NLGN3: variants seen among roughly 807,000 people sequenced by gnomAD.
NLGN3 encodes neuroligin 3.
NLGN3 carries 11 observed loss-of-function variants against 42.9 expected under a neutral mutation model. The ratio of observed to expected loss-of-function variants is 0.26; its 90% CI spans 0.16 to 0.42. The LOEUF is 0.42. Among genes scored for constraint, NLGN3 ranks in the 10% least tolerant of loss-of-function variants. The pLI is 1.00. For synonymous variants in NLGN3, 279 were observed against 312.7 expected, an observed-to-expected ratio of 0.89 and a Z score of 1.14; for missense variants, 374 against 733.8, an observed-to-expected ratio of 0.51 and a Z score of 5.67.
In NLGN3 at chrX:71,169,686, C is replaced by T. The variant is rs1176507424; in HGVS notation, c.2136C>T (p.Ile712=). The change falls in exon 8 of 8, where the codon ATC becomes ATT. Residue 712 remains isoleucine (I), a synonymous_variant. Coordinates refer to ENST00000358741, the MANE Select transcript of NLGN3 (RefSeq NM_181303.2). ...RDYSTELSVT[I]AVGASLLFLN... is the part of the protein sequence containing the mutation. Reference sequence around the variant, plus strand: ...ACTCCACTGAATTAAGTGTCACCATCGCCGTGGGGGCCTCCCTCCTGTTCC... The same window carrying T: ...ACTCCACTGAATTAAGTGTCACCATTGCCGTGGGGGCCTCCCTCCTGTTCC... 44 of 1,210,377 alleles carry T rather than the reference C, an allele frequency of 3.6e-5. No homozygotes were observed. The highest frequency in any genetic ancestry group is 4.8e-5 in the Non-Finnish European group (43 of 895,083).
intron 7 of NLGN3, 150 bp downstream of exon 7, chrX:71,167,950 T>C (rs949174527): frequency 5.7e-6 from 3 of 527,971 alleles, no homozygotes; most frequent in Non-Finnish European, 9.7e-6. Context: ...TATCTCCCCT[T>C]CCTGAGTCTT....
In NLGN3 at chrX:71,147,504, C is replaced by A. The variant is rs2092375028; in HGVS notation, c.-200-46C>A. The A allele has an allele frequency of 1.8e-5, 8 of 436,061 alleles. No homozygotes were observed. The East Asian group carries it at 3.0e-4, about 16-fold the overall frequency. The allele number at this position is 436,061 out of a possible 1,213,427, so 35.9% of individuals were successfully genotyped here. On this transcript the variant is annotated intron_variant, in intron 1 of 7. Transcript: ENST00000358741. ...GGGCCCCCAAAGACCAACTCTGTTG[C>A]CCTCCCAGACCATCTTGGATGACGC... is the stretch of plus-strand genomic sequence containing the variant.
intron 1 of NLGN3, among the ~76,000 whole-genome samples, chrX:71,146,765 CTA>C (rs770984899): frequency 3.0e-4 from 34 of 111,547 alleles, no homozygotes; most frequent in African/African-American, 1.1e-3. Flanking sequence ...GAGTTTATTT[CTA>C]TGAGTCTCTG....
At chrX:71,168,278 G>C (rs1462479870) in intron 7 of NLGN3, among the ~76,000 whole-genome samples, 1 of 111,208 alleles carries the variant, frequency 9.0e-6, no homozygotes, top group Non-Finnish European at 1.9e-5. Context: ...GGAGGGTGAG[G>C]CTACACTGAG....
chrX:71,168,869 G>GAAAGAAAGAAAGAA (rs375278513), intron 7 of NLGN3, among the ~76,000 whole-genome samples: 6 of 71,384 alleles, frequency 8.4e-5, no homozygotes, highest in Admixed American at 6.3e-4. Flanking sequence ...AAGAAAGAAA[G>GAAAGAAAGAAAGAA]AGAAAGAAAA....
At chrX:71,163,067 A>AG (rs2092435558) in intron 5 of NLGN3, among the ~76,000 whole-genome samples, 1 of 111,075 alleles carries the variant, frequency 9.0e-6, no homozygotes, top group Non-Finnish European at 1.9e-5. Context: ...GAAGCAGAGT[A>AG]GGGGGGAATA....
At chrX:71,150,091 G>A (rs1406030623) in intron 3 of NLGN3, among the ~76,000 whole-genome samples, 1 of 111,088 alleles carries the variant, frequency 9.0e-6, no homozygotes, top group East Asian at 2.8e-4. Flanking sequence ...CGCTTCTAAT[G>A]CACACCCGAG....
chrX:71,157,409 C>T (rs1345188254), intron 5 of NLGN3, among the ~76,000 whole-genome samples: 1 of 110,266 alleles, frequency 9.1e-6, no homozygotes, highest in Non-Finnish European at 1.9e-5. Context: ...CTGCAACCTC[C>T]GCCTCCCGGG....
At chrX:71,158,095 T>G (rs1365338106) in intron 5 of NLGN3, among the ~76,000 whole-genome samples, 1 of 109,331 alleles carries the variant, frequency 9.1e-6, no homozygotes, top group Non-Finnish European at 1.9e-5. Flanking sequence ...AATTAATTTT[T>G]GAGACAGAGT....
At chrX:71,165,523 T>C (rs1300511047) in intron 6 of NLGN3, among the ~76,000 whole-genome samples, 1 of 110,027 alleles carries the variant, frequency 9.1e-6, no homozygotes, top group Non-Finnish European at 1.9e-5. Flanking sequence ...GGTTTGACTT[T>C]TTTTTTTTCT....
At chrX:71,152,395 TTTC>T (rs1464388971) in intron 3 of NLGN3, among the ~76,000 whole-genome samples, 3 of 110,056 alleles carry the variant, frequency 2.7e-5, no homozygotes, top group Non-Finnish European at 5.7e-5. Flanking sequence ...TTCTCATCTA[TTTC>T]TTCCCTTCCT....
At chrX:71,154,772 T>A (rs747220250) in intron 4 of NLGN3, among the ~76,000 whole-genome samples, 48 of 111,646 alleles carry the variant, frequency 4.3e-4, no homozygotes, top group Admixed American at 2.6e-3. Flanking sequence ...TGGCCGTTTT[T>A]CCATGTAACT....
At chrX:71,173,771 T>C (rs1014085344), downstream of NLGN3, among the ~76,000 whole-genome samples, 1 of 112,347 alleles carries the variant, frequency 8.9e-6, no homozygotes, top group African/African-American at 3.2e-5. Flanking sequence ...TTTTGGGTTG[T>C]GTACTGTCAG....
At chrX:71,154,446 G>A (rs753348786) in intron 4 of NLGN3, among the ~76,000 whole-genome samples, 8 of 112,642 alleles carry the variant, frequency 7.1e-5, no homozygotes, top group South Asian at 7.3e-4. Flanking sequence ...ATGCCGTGCC[G>A]CCTGGGCTCG....
At position 71,170,407 on chromosome X, in the gene NLGN3, C is replaced by G; in HGVS notation, c.*310C>G. The G allele has an allele frequency of 1.0e-6, 1 of 971,558 alleles. No individual in the cohort carries two copies. The highest frequency in any genetic ancestry group is 1.3e-6 in the Non-Finnish European group (1 of 769,112). The allele number at this position is 971,558 out of a possible 1,213,427, so 80.1% of individuals were successfully genotyped here. A position where few individuals can be genotyped will look rare whatever the true frequency, so the allele number is the denominator to read the frequency against. ...CCAGCTCCCTGAATCTGACCACAGA[C>G]ACTCCTGGGGGGCCTGAAAGCAACA... On this transcript the variant is annotated 3_prime_UTR_variant, in exon 8 of 8. Coordinates refer to ENST00000358741, the MANE Select transcript of NLGN3 (RefSeq NM_181303.2).
chrX:71,170,348 G>A lies in NLGN3; in HGVS notation c.*251G>A, dbSNP rs2092467620. 9.7e-7 allele frequency: 1 copy of A among 1,032,218 alleles called. No individual in the cohort carries two copies. Among genetic ancestry groups the A allele is most frequent in the Non-Finnish European group, 1.2e-6 (1 of 804,330 alleles). 85.1% of individuals were successfully genotyped at this position (1,032,218 alleles called of 1,213,427 possible). On this transcript the variant is annotated 3_prime_UTR_variant, in exon 8 of 8. Transcript: ENST00000358741. ...TAAATGGGGACGCAGATGAGTCCTC[G>A]GTAAACCGAGGACCCATGAAACAGC...
Position 71,170,438 on chromosome X carries a change from A to ACACC in NLGN3, c.*343_*346dup. 1.1e-6 allele frequency: 1 copy of ACACC among 943,047 alleles called. No homozygotes were observed. The highest frequency in any genetic ancestry group is 1.3e-6 in the Non-Finnish European group (1 of 752,723). 77.7% of individuals were successfully genotyped at this position (943,047 alleles called of 1,213,427 possible). On this transcript the variant is annotated 3_prime_UTR_variant, in exon 8 of 8. Transcript: ENST00000358741. ...TGGGGGGCCTGAAAGCAACAGCTGGACACCCCCTTGGTGCTCGCCTTCGGC... is the reference window on the plus strand; with the variant it reads ...TGGGGGGCCTGAAAGCAACAGCTGGACACCCACCCCCTTGGTGCTCGCCTTCGGC...
In NLGN3 at chrX:71,169,479, C is replaced by T. The variant is rs772421954; in HGVS notation, c.1929C>T (p.Thr643=). 2.5e-6 allele frequency: 3 copies of T among 1,211,919 alleles called. No individual in the cohort carries two copies. The highest frequency in any genetic ancestry group is 3.4e-6 in the Non-Finnish European group (3 of 895,473). ...NLHDMFHYTS[T]TTKVPPPDTT... is the part of the protein sequence containing the mutation. The stretch of plus-strand genomic sequence containing the variant: ...ATGACATGTTCCACTATACGTCCAC[C>T]ACCACCAAAGTGCCGCCTCCGGATA... Residue 643 remains threonine, a synonymous_variant, in exon 8 of 8, where the codon ACC becomes ACT. Transcript: ENST00000358741.
chrX:71,160,737 T>C (rs1463308401), intron 5 of NLGN3, among the ~76,000 whole-genome samples: 1 of 112,422 alleles, frequency 8.9e-6, no homozygotes, highest in Non-Finnish European at 1.9e-5. Context: ...GGTTCCAGAA[T>C]TGAATCCTAC....
Sources: allele counts gnomAD v4.1 joint callset (sites outside exome capture counted in the v4.1 genomes callset), GRCh38; gene constraint gnomAD v4.1.1; transcripts MANE v1.5; gene names NCBI Gene and HGNC (gene_info 2026-07-23, HGNC 2026-07-21).